Variants in NR2F1-AS1 observed in about 807,000 individuals in gnomAD.
NR2F1-AS1 encodes the protein NR2F1 regulatory antisense RNA 1, also known as NR2F1 antisense RNA 1.
chr5:93,492,434 TAATTCTACCAAACACTA>T (rs572791302), intron 4 of NR2F1-AS1, among the ~76,000 whole-genome samples: 381 of 152,222 alleles, frequency 2.5e-3, no homozygotes, highest in African/African-American at 8.7e-3. Flanking sequence ...AAATAAGAAT[TAATTCTACCAAACACTA>T]AATTCTACCA....
At chr5:93,556,498 T>C (rs1752359235) in intron 2 of NR2F1-AS1, among the ~76,000 whole-genome samples, 1 of 152,172 alleles carries the variant, frequency 6.6e-6, no homozygotes, top group African/African-American at 2.4e-5. Context: ...CCCCAAAATA[T>C]GTTATAGCCT....
chr5:93,510,874 T>G (rs1406482036), intron 4 of NR2F1-AS1, among the ~76,000 whole-genome samples: 1 of 152,158 alleles, frequency 6.6e-6, no homozygotes. Context: ...GATTGTTTAT[T>G]ATTGTTCTAA....
chr5:93,430,730 C>T (rs1749293572), intron 4 of NR2F1-AS1, among the ~76,000 whole-genome samples: 1 of 152,126 alleles, frequency 6.6e-6, no homozygotes, highest in East Asian at 1.9e-4. Flanking sequence ...GTTTCTAAAA[C>T]TGTCTGAAGT....
intron 4 of NR2F1-AS1, among the ~76,000 whole-genome samples, chr5:93,434,729 G>A (rs1398193690): frequency 6.6e-6 from 1 of 152,122 alleles, no homozygotes; most frequent in African/African-American, 2.4e-5. Context: ...TTCTGGTCCA[G>A]AATCATCCTT....
At chr5:93,500,454 A>G (rs1751055244) in intron 4 of NR2F1-AS1, among the ~76,000 whole-genome samples, 1 of 151,758 alleles carries the variant, frequency 6.6e-6, no homozygotes, top group South Asian at 2.1e-4. Context: ...TTTCAATGAG[A>G]CCCATTGCTC....
intron 4 of NR2F1-AS1, among the ~76,000 whole-genome samples, chr5:93,429,213 CTT>C (rs904580627): frequency 6.6e-6 from 1 of 151,854 alleles, no homozygotes; most frequent in African/African-American, 2.4e-5. Flanking sequence ...TATTTTTTTT[CTT>C]GTTTCCAGTG....
intron 4 of NR2F1-AS1, among the ~76,000 whole-genome samples, chr5:93,506,691 T>C (rs1386201577): frequency 6.6e-6 from 1 of 152,144 alleles, no homozygotes; most frequent in Non-Finnish European, 1.5e-5. Flanking sequence ...GTCACTATCA[T>C]GATAATAGCA....
At chr5:93,584,199 T>G (rs1015173253), upstream of NR2F1-AS1, 1 of 148,212 alleles carries the variant, frequency 6.7e-6, no homozygotes, top group Non-Finnish European at 1.5e-5. Context: ...CCGCTCGCGC[T>G]CCGGCTGCGG....
At chr5:93,546,769 G>T (rs897539242) in intron 4 of NR2F1-AS1, among the ~76,000 whole-genome samples, 1 of 152,092 alleles carries the variant, frequency 6.6e-6, no homozygotes, top group Non-Finnish European at 1.5e-5. Context: ...TGGGGGATGG[G>T]GGAGAATGAC....
chr5:93,584,995 T>TC, upstream of NR2F1-AS1: 6 of 979,226 alleles, frequency 6.1e-6, no homozygotes, highest in Non-Finnish European at 7.3e-6. Flanking sequence ...GCAGCTCGGC[T>TC]CCCCCCAGCG....
At chr5:93,520,282 A>T (rs1185796141) in intron 4 of NR2F1-AS1, among the ~76,000 whole-genome samples, 1 of 152,008 alleles carries the variant, frequency 6.6e-6, no homozygotes, top group Non-Finnish European at 1.5e-5. Context: ...GTTACTCTCC[A>T]CTTTTTTGTT....
At chr5:93,459,003 C>T (rs903777090) in intron 4 of NR2F1-AS1, among the ~76,000 whole-genome samples, 1 of 151,710 alleles carries the variant, frequency 6.6e-6, no homozygotes, top group African/African-American at 2.4e-5. Flanking sequence ...CAGAGTGAGA[C>T]TTCATCTCAA....
intron 4 of NR2F1-AS1, among the ~76,000 whole-genome samples, chr5:93,439,647 C>A (rs567457052): frequency 6.6e-6 from 1 of 152,334 alleles, no homozygotes; most frequent in African/African-American, 2.4e-5. Context: ...TCAGTTGAAT[C>A]ATGTAGATGG....
chr5:93,496,361 T>C (rs1298031275), intron 4 of NR2F1-AS1, among the ~76,000 whole-genome samples: 1 of 152,098 alleles, frequency 6.6e-6, no homozygotes, highest in Non-Finnish European at 1.5e-5. Context: ...AGGGAAAATA[T>C]ATATTGGCAA....
At chr5:93,489,872 A>C (rs1750800496) in intron 4 of NR2F1-AS1, among the ~76,000 whole-genome samples, 1 of 152,144 alleles carries the variant, frequency 6.6e-6, no homozygotes, top group Admixed American at 6.5e-5. Flanking sequence ...GGATAGTCAG[A>C]TGTTTGGTCT....
At chr5:93,448,064 G>T (rs887965607) in intron 4 of NR2F1-AS1, among the ~76,000 whole-genome samples, 3 of 152,106 alleles carry the variant, frequency 2.0e-5, no homozygotes, top group Non-Finnish European at 4.4e-5. Context: ...TGGAGGGAAG[G>T]GGGAGGGATA....
intron 1 of NR2F1-AS1, among the ~76,000 whole-genome samples, chr5:93,574,220 C>G (rs1218449448): frequency 6.9e-6 from 1 of 145,752 alleles, no homozygotes; most frequent in African/African-American, 2.8e-5. Context: ...AGTGAGCAGC[C>G]GATATCTGGG....
intron 4 of NR2F1-AS1, among the ~76,000 whole-genome samples, chr5:93,523,916 C>T (rs1044132746): frequency 6.6e-6 from 1 of 151,990 alleles, no homozygotes; most frequent in African/African-American, 2.4e-5. Flanking sequence ...TGCAAAAAGG[C>T]TGAAAATTCC....
At chr5:93,502,248 C>T (rs1751096238) in intron 4 of NR2F1-AS1, among the ~76,000 whole-genome samples, 1 of 152,106 alleles carries the variant, frequency 6.6e-6, no homozygotes, top group African/African-American at 2.4e-5. Flanking sequence ...TGGAGCTGAA[C>T]TTGCAATATC....
Sources: gnomAD v4.1 joint callset for allele counts (sites outside exome capture counted in the v4.1 genomes callset) on GRCh38, gnomAD v4.1.1 for gene constraint, MANE v1.5 for transcripts, NCBI Gene and HGNC (gene_info 2026-07-23, HGNC 2026-07-21) for gene names.